Variants in OPRM1 observed in about 807,000 individuals in gnomAD.
The protein encoded by OPRM1 is mu-type opioid receptor.
OPRM1 carries 27 observed loss-of-function variants against 31.8 expected under a neutral mutation model. That is an observed-to-expected ratio of 0.85 (90% CI 0.63 to 1.17). The LOEUF (loss-of-function observed/expected upper bound fraction) is 1.17. Ranked by LOEUF, OPRM1 falls within the 50% of genes most tolerant of loss-of-function variation. The pLI, the probability that OPRM1 is intolerant of heterozygous loss-of-function variation, is 0.00. For synonymous variants in OPRM1, 196 were observed against 189.9 expected (o/e 1.03, Z -0.26); for missense variants, 536 against 511.1 (o/e 1.05, Z -0.47).
chr6:154,110,166 A>G (rs1025114665), intron 3 of OPRM1, among the ~76,000 whole-genome samples: 1 of 152,162 alleles, frequency 6.6e-6, no homozygotes, highest in South Asian at 2.1e-4. Context: ...TATCTCTGAA[A>G]ATAGAGCAGG....
At chr6:154,086,727 A>G (rs1790667304) in intron 1 of OPRM1, 2 of 985,266 alleles carry the variant, frequency 2.0e-6, no homozygotes, top group Non-Finnish European at 2.4e-6. Context: ...CAATTACTTA[A>G]CATAAAACAC....
chr6:154,045,426 A>G (rs1375737238), intron 1 of OPRM1, among the ~76,000 whole-genome samples: 3 of 152,174 alleles, frequency 2.0e-5, no homozygotes, highest in Admixed American at 1.3e-4. Context: ...TTGGGACCCA[A>G]TATATAAAAC....
intron 3 of OPRM1, chr6:154,091,926 G>A (rs946728454): frequency 1.9e-4 from 184 of 986,900 alleles, no homozygotes; most frequent in Non-Finnish European, 2.1e-4. Context: ...TGTGGTCATG[G>A]ATGCAAGATA....
intron 3 of OPRM1, chr6:154,159,790 T>A (rs2128545791): frequency 6.7e-7 from 1 of 1,491,828 alleles, no homozygotes; most frequent in Non-Finnish European, 9.3e-7. Context: ...AAGAGTTGCT[T>A]GTGATAAAAT....
At chr6:154,097,916 C>A (rs1358928766) in intron 3 of OPRM1, among the ~76,000 whole-genome samples, 2 of 152,032 alleles carry the variant, frequency 1.3e-5, no homozygotes, top group East Asian at 3.9e-4. Flanking sequence ...AAGTAACTTG[C>A]CCAAGGTCAT....
At chr6:154,143,718 C>T (rs936529487) in intron 3 of OPRM1, among the ~76,000 whole-genome samples, 16 of 152,150 alleles carry the variant, frequency 1.1e-4, no homozygotes, top group African/African-American at 4.8e-5. Flanking sequence ...ATTAATCTCA[C>T]TTTAAAAGGG....
chr6:154,079,820 C>T (rs1342744940), intron 1 of OPRM1, among the ~76,000 whole-genome samples: 2 of 152,090 alleles, frequency 1.3e-5, no homozygotes, highest in Non-Finnish European at 1.5e-5. Flanking sequence ...GTGGATCCTC[C>T]CACCTTGGCC....
chr6:154,232,553 A>G (rs1178683755), intron 3 of OPRM1, among the ~76,000 whole-genome samples: 3 of 152,234 alleles, frequency 2.0e-5, no homozygotes, highest in Admixed American at 1.3e-4. Flanking sequence ...ACCAAGACCC[A>G]GCAACCAGTC....
rs967597111 is a variant in OPRM1, at chr6:154,221,105, C to T, written c.1165-25588C>T. The T allele has an allele frequency of 1.5e-5, 9 of 593,224 alleles. No homozygotes were observed. In the East Asian group the frequency reaches 2.7e-4, roughly 18 times the overall value. The allele number at this position is 593,224 out of a possible 1,614,324, so 36.7% of individuals were successfully genotyped here. A position where few individuals can be genotyped will look rare whatever the true frequency, so the allele number is the denominator to read the frequency against. On this transcript the variant is annotated intron_variant, in intron 3 of 3. Transcript: ENST00000337049. ...CGTTTCCAAATACTAGAGAAGAAAG[C>T]ACGAAGGCATTGTAACTGCTAAATA...
At chr6:154,241,163 G>C (rs572963230) in intron 3 of OPRM1, among the ~76,000 whole-genome samples, 14 of 151,256 alleles carry the variant, frequency 9.3e-5, no homozygotes, top group African/African-American at 3.2e-4. Context: ...TTGAACCCGG[G>C]AGGCGGAGGT....
In OPRM1 at chr6:154,166,884, C is replaced by T. The variant is rs185980155; in HGVS notation, c.1164+75412C>T. ...GGCGGCCAGTGATATCTTTTATTATCGATAAAAATTTTAATATTAAATAAG... is the reference window on the plus strand; with the variant it reads ...GGCGGCCAGTGATATCTTTTATTATTGATAAAAATTTTAATATTAAATAAG... On this transcript the variant is annotated intron_variant, in intron 3 of 3. Transcript: ENST00000337049. Among the ~76,000 whole-genome samples the T allele has an allele frequency of 3.0e-3, 459 of 152,158 alleles. 1 individual carries two copies. Among genetic ancestry groups the T allele is most frequent in the African/African-American group, 8.3e-3 (345 of 41,504 alleles).
chr6:154,022,959 T>C (rs1381656009), intron 1 of OPRM1, among the ~76,000 whole-genome samples: 1 of 152,202 alleles, frequency 6.6e-6, no homozygotes, highest in Non-Finnish European at 1.5e-5. Context: ...TTTAGCTCTG[T>C]AGTACAATTT....
At chr6:154,187,121 G>A (rs1032583424) in intron 3 of OPRM1, among the ~76,000 whole-genome samples, 2 of 152,038 alleles carry the variant, frequency 1.3e-5, no homozygotes, top group South Asian at 2.1e-4. Context: ...GTTTTTGCCT[G>A]GAAGACTCTT....
At chr6:154,229,259 T>TTGAA (rs1218464394) in intron 3 of OPRM1, among the ~76,000 whole-genome samples, 2 of 152,214 alleles carry the variant, frequency 1.3e-5, no homozygotes, top group African/African-American at 2.4e-5. Context: ...AATACATTTT[T>TTGAA]TGAATGAATG....
chr6:154,212,333 A>T (rs935736915), intron 3 of OPRM1, among the ~76,000 whole-genome samples: 1 of 152,144 alleles, frequency 6.6e-6, no homozygotes, highest in Non-Finnish European at 1.5e-5. Context: ...CCCACTCCTG[A>T]CTTCCTGCTC....
intron 3 of OPRM1, among the ~76,000 whole-genome samples, chr6:154,167,266 T>C (rs1250893713): frequency 6.6e-6 from 1 of 152,268 alleles, no homozygotes; most frequent in African/African-American, 2.4e-5. Context: ...ACTTTTGTTA[T>C]GAAGAACCAT....
chr6:154,108,271 T>A (rs960107086), intron 3 of OPRM1: 2 of 343,400 alleles, frequency 5.8e-6, no homozygotes, highest in Admixed American at 9.3e-5. Flanking sequence ...CCCAGATGGG[T>A]TCCATCATCT....
At chr6:154,099,784 G>C (rs1048296199) in intron 3 of OPRM1, among the ~76,000 whole-genome samples, 3 of 147,458 alleles carry the variant, frequency 2.0e-5, no homozygotes, top group Non-Finnish European at 4.5e-5. Context: ...TAAACATGAA[G>C]AGTTTCATAA....
At chr6:154,144,400 T>TA (rs1448861458) in intron 3 of OPRM1, among the ~76,000 whole-genome samples, 1 of 152,224 alleles carries the variant, frequency 6.6e-6, no homozygotes, top group Non-Finnish European at 1.5e-5. Flanking sequence ...ATAAAGAAGT[T>TA]AAACTTTTTA....
Sources: allele counts gnomAD v4.1 joint callset (sites outside exome capture counted in the v4.1 genomes callset), GRCh38; gene constraint gnomAD v4.1.1; transcripts MANE v1.5; gene names NCBI Gene and HGNC (gene_info 2026-07-23, HGNC 2026-07-21).